Variants in TET2 observed in about 807,000 individuals in gnomAD.
TET2 encodes the protein methylcytosine dioxygenase TET2.
Under a neutral mutation model 142.9 loss-of-function variants are expected in TET2, and 299 were observed. The observed-to-expected ratio is 2.09, with a 90% CI of 1.90 to 2.30. The LOEUF (loss-of-function observed/expected upper bound fraction) is 2.30, where lower values mean the gene tolerates loss of function less well. Ranked by LOEUF, TET2 falls within the 30% of genes most tolerant of loss-of-function variation. The pLI, the probability that TET2 is intolerant of heterozygous loss-of-function variation, is 0.00. For missense variants in TET2, 2,418 were observed against 2,378.0 expected (o/e 1.02, Z -0.35); for synonymous variants, 819 against 849.0 (o/e 0.96, Z 0.61).
At chr4:105,154,748 G>T (rs1459584901) in intron 1 of TET2, among the ~76,000 whole-genome samples, 1 of 152,122 alleles carries the variant, frequency 6.6e-6, no homozygotes, top group East Asian at 1.9e-4. Context: ...AATGTGACTG[G>T]GTGCGGTGGC....
chr4:105,163,599 T>C (rs1723965047), intron 1 of TET2, among the ~76,000 whole-genome samples: 1 of 152,166 alleles, frequency 6.6e-6, no homozygotes, highest in South Asian at 2.1e-4. Flanking sequence ...GTCATCTATA[T>C]TTTTGTTGGT....
chr4:105,212,461 T>C (rs529676197), intron 2 of TET2, among the ~76,000 whole-genome samples: 1 of 152,196 alleles, frequency 6.6e-6, no homozygotes, highest in Non-Finnish European at 1.5e-5. Flanking sequence ...AGAGTTATAA[T>C]AGATTATTCA....
At chr4:105,242,333 G>T in intron 4 of TET2, 2 of 1,077,942 alleles carry the variant, frequency 1.9e-6, no homozygotes, top group Non-Finnish European at 2.3e-6. Flanking sequence ...CATAAGGGAA[G>T]ATATAGTCTA....
At chr4:105,179,345 G>A (rs1724986168) in intron 1 of TET2, among the ~76,000 whole-genome samples, 1 of 152,092 alleles carries the variant, frequency 6.6e-6, no homozygotes, top group Non-Finnish European at 1.5e-5. Context: ...AACCTTGTTT[G>A]CAATGAAGAA....
At chr4:105,242,745 A>C (rs1174978276) in intron 4 of TET2, 89 bp from the exon 5 acceptor site, 12 of 1,513,066 alleles carry the variant, frequency 7.9e-6, no homozygotes, top group Non-Finnish European at 9.7e-6. Context: ...TCATAGAATA[A>C]AGTTATGCTC....
intron 2 of TET2, among the ~76,000 whole-genome samples, chr4:105,212,134 A>AC (rs1176753480): frequency 3.9e-5 from 6 of 152,234 alleles, no homozygotes; most frequent in Admixed American, 1.3e-4. Context: ...CCATGTCAGC[A>AC]CTTTATCTGT....
In TET2 at chr4:105,218,012, G is replaced by A. The variant is rs1361945700; in HGVS notation, c.-46-15885G>A. 5.9e-5 allele frequency among the ~76,000 whole-genome samples: 9 copies of A among 152,180 alleles called. No homozygotes were observed. In the South Asian group the frequency reaches 1.7e-3, roughly 28 times the overall value. On this transcript the variant is annotated intron_variant, in intron 2 of 10. Coordinates refer to ENST00000380013, the MANE Select transcript of TET2 (RefSeq NM_001127208.3). ...TGACTCGAGTGAAGGAAATTGAGTT[G>A]TTTTAATTAAACTCACATGAGATTG...
At chr4:105,192,247 G>A (rs1316582935) in intron 2 of TET2, among the ~76,000 whole-genome samples, 1 of 151,918 alleles carries the variant, frequency 6.6e-6, no homozygotes, top group Non-Finnish European at 1.5e-5. Context: ...AGCCATTGAG[G>A]GAAAAGGTTT....
chr4:105,185,944 T>C (rs1056695798), intron 1 of TET2, among the ~76,000 whole-genome samples: 3 of 151,796 alleles, frequency 2.0e-5, no homozygotes, highest in Admixed American at 6.6e-5. Flanking sequence ...AATGTAGATA[T>C]GGCTGGGCGT....
chr4:105,160,468 G>C (rs1208621306), intron 1 of TET2, among the ~76,000 whole-genome samples: 1 of 152,154 alleles, frequency 6.6e-6, no homozygotes, highest in Non-Finnish European at 1.5e-5. Context: ...TTTTTGTATT[G>C]CATCTAAGGA....
intron 6 of TET2, among the ~76,000 whole-genome samples, chr4:105,256,720 AT>A (rs1448329541): frequency 2.6e-5 from 4 of 151,964 alleles, no homozygotes; most frequent in African/African-American, 9.7e-5. Flanking sequence ...GGGGACCTGC[AT>A]TATGTCTATG....
In TET2 at chr4:105,211,872, C is replaced by A. The variant is rs543951433; in HGVS notation, c.-47+21367C>A. Among the ~76,000 whole-genome samples, 15 of 152,134 alleles carry A rather than the reference C, an allele frequency of 9.9e-5. 1 individual carries two copies. The highest frequency in any genetic ancestry group is 3.3e-4 in the Admixed American group (5 of 15,264). ...TTGTCACTAGATTAAAAAACAAAGG[C>A]TCCATCAGGATCACACAGTAAACAG... On this transcript the variant is annotated intron_variant, in intron 2 of 10. Transcript: ENST00000380013.
intron 2 of TET2, among the ~76,000 whole-genome samples, chr4:105,206,981 A>C (rs576296944): frequency 6.6e-6 from 1 of 152,216 alleles, no homozygotes; most frequent in Non-Finnish European, 1.5e-5. Flanking sequence ...ATATAAAACA[A>C]GTTTGGAGTA....
At chr4:105,261,647 A>G in intron 7 of TET2, 112 bp from the exon 8 acceptor site, 2 of 578,602 alleles carry the variant, frequency 3.5e-6, no homozygotes, top group Non-Finnish European at 6.1e-6. Flanking sequence ...TAAAGGCACC[A>G]TATATTGTGT....
At chr4:105,246,784 T>C (rs573531386) in intron 6 of TET2, among the ~76,000 whole-genome samples, 2 of 152,364 alleles carry the variant, frequency 1.3e-5, no homozygotes, top group African/African-American at 4.8e-5. Context: ...ACTGAGTTCT[T>C]ACAAATCCCT....
intron 6 of TET2, among the ~76,000 whole-genome samples, chr4:105,250,135 C>G (rs1427722456): frequency 6.6e-6 from 1 of 152,060 alleles, no homozygotes; most frequent in Non-Finnish European, 1.5e-5. Flanking sequence ...TTTCTCAGCA[C>G]CATTTGTTAA....
chr4:105,241,213 G>GAA, intron 3 of TET2, 126 bp from the exon 4 acceptor site: 4 of 1,335,474 alleles, frequency 3.0e-6, no homozygotes, highest in East Asian at 2.7e-5. Flanking sequence ...TCATTTTAAA[G>GAA]AAAAAAAAAT....
At chr4:105,147,549 A>G (rs1364763061) in intron 1 of TET2, 1 of 150,994 alleles carries the variant, frequency 6.6e-6, no homozygotes, top group African/African-American at 2.4e-5. Flanking sequence ...TGTCACAGGG[A>G]GTGGAATTGG....
intron 8 of TET2, among the ~76,000 whole-genome samples, chr4:105,264,117 TG>T (rs1255276733): frequency 1.3e-5 from 2 of 151,878 alleles, no homozygotes; most frequent in Non-Finnish European, 2.9e-5. Flanking sequence ...TTTTTTTTTT[TG>T]GTTCGAACAA....
Sources: allele counts gnomAD v4.1 joint callset (sites outside exome capture counted in the v4.1 genomes callset), GRCh38; gene constraint gnomAD v4.1.1; transcripts MANE v1.5; gene names NCBI Gene and HGNC (gene_info 2026-07-23, HGNC 2026-07-21).